Variants in TATDN3 observed in about 807,000 individuals in gnomAD.
The protein encoded by TATDN3 is TatD DNase domain containing 3.
In TATDN3, 29 loss-of-function variants were observed where a neutral mutation model predicts 40.1. The observed-to-expected ratio is 0.72, with a 90% CI of 0.54 to 0.99. The LOEUF (loss-of-function observed/expected upper bound fraction) is 0.99. Ranked by LOEUF, TATDN3 falls within the 50% of genes least tolerant of loss-of-function variation. TATDN3 has a pLI of 0.00. For synonymous variants in TATDN3, 105 were observed against 117.0 expected (o/e 0.90, Z 0.66); for missense variants, 309 against 321.9 (o/e 0.96, Z 0.31).
chr1:212,803,192 C>A (rs192605423), intron 5 of TATDN3, among the ~76,000 whole-genome samples: 3 of 145,784 alleles, frequency 2.1e-5, no homozygotes, highest in African/African-American at 7.6e-5. Context: ...GAACCTTGCT[C>A]TGTCACCTAG....
In TATDN3 at chr1:212,808,051, G is replaced by A. The variant is rs950536992; in HGVS notation, c.600+203G>A. Among the ~76,000 whole-genome samples, 66 of 152,042 alleles carry A rather than the reference G, an allele frequency of 4.3e-4. 1 individual carries two copies. Among genetic ancestry groups the A allele is most frequent in the South Asian group, 6.2e-4 (3 of 4,832 alleles). On this transcript the variant is annotated intron_variant, in intron 8 of 9. Coordinates refer to ENST00000366974, the MANE Select transcript of TATDN3 (RefSeq NM_001042552.3). ...AATAAGGCCAGGCTCAGGGGCTCACGCTTGTAATCCCAGCACTTTGGAAGG... is the reference window on the plus strand; with the variant it reads ...AATAAGGCCAGGCTCAGGGGCTCACACTTGTAATCCCAGCACTTTGGAAGG...
chr1:212,797,191 C>G lies in TATDN3; in HGVS notation c.253C>G (p.Leu85Val). 1 of 1,612,858 alleles carries G rather than the reference C, an allele frequency of 6.2e-7. No homozygotes were observed. The highest frequency in any genetic ancestry group is 1.1e-5 in the South Asian group (1 of 91,030). Residue 85 changes from leucine (L) to valine (V), a missense_variant, in exon 4 of 10, where the codon CTA (leucine) becomes GTA (valine). Physicochemically the swap from Leu to Val is conservative, Grantham distance 32. Transcript: ENST00000366974. ...ACCAGAAGACCAAAGAAGTGTCACA[C>G]TAAAGGTAACAGTCATACAAAACAG... ...LPPEDQRSVT[L>V]KDLDVALPII...
At chr1:212,801,115 A>G (rs896311064) in intron 4 of TATDN3, among the ~76,000 whole-genome samples, 2 of 151,874 alleles carry the variant, frequency 1.3e-5, no homozygotes, top group Non-Finnish European at 2.9e-5. Context: ...ACTTGAGCCC[A>G]GGAGTTCAAG....
intron 7 of TATDN3, among the ~76,000 whole-genome samples, chr1:212,806,747 C>CATATATATATATATATAT (rs71495077): frequency 2.3e-5 from 1 of 43,988 alleles, no homozygotes; most frequent in Non-Finnish European, 4.4e-5. Context: ...TCTCTCTCTC[C>CATATATATATATATATAT]ATATATATAT....
chr1:212,810,296 T>C (rs572369773), intron 8 of TATDN3, among the ~76,000 whole-genome samples: 103 of 151,814 alleles, frequency 6.8e-4, no homozygotes, highest in Non-Finnish European at 1.5e-3. Context: ...GATCACGACG[T>C]GGTCAGGAGA....
intron 2 of TATDN3, among the ~76,000 whole-genome samples, chr1:212,796,121 T>C (rs961550934): frequency 3.3e-5 from 5 of 152,234 alleles, no homozygotes; most frequent in African/African-American, 1.2e-4. Context: ...TAGCATTTTG[T>C]GGCCATCTCA....
At chr1:212,808,112 A>C (rs1293336463) in intron 8 of TATDN3, among the ~76,000 whole-genome samples, 8 of 152,116 alleles carry the variant, frequency 5.3e-5, no homozygotes, top group Admixed American at 5.2e-4. Context: ...CAGGAGTTCG[A>C]AACCAGCCTG....
At chr1:212,810,460 C>T (rs1474831532) in intron 8 of TATDN3, among the ~76,000 whole-genome samples, 2 of 135,608 alleles carry the variant, frequency 1.5e-5, no homozygotes, top group East Asian at 2.3e-4. Context: ...TGCAGTGAGC[C>T]GAGATCGCGC....
chr1:212,807,903 G>A, intron 8 of TATDN3, 55 bp downstream of exon 8: 4 of 1,211,258 alleles, frequency 3.3e-6, no homozygotes, highest in Non-Finnish European at 3.6e-6. Context: ...TTTAAAACAT[G>A]AGCTTTTCTT....
At chr1:212,812,865 C>T (rs963683239) in intron 9 of TATDN3, among the ~76,000 whole-genome samples, 9 of 151,906 alleles carry the variant, frequency 5.9e-5, no homozygotes, top group East Asian at 1.9e-4. Context: ...ATTAGCTGGG[C>T]GTGGTGGCAC....
At position 212,796,550 on chromosome 1, in the gene TATDN3, C is replaced by A. The variant is rs755756183; in HGVS notation, c.133C>A (p.His45Asn). The A allele has an allele frequency of 1.7e-5, 26 of 1,550,678 alleles. No homozygotes were observed. Among genetic ancestry groups the A allele is most frequent in the Non-Finnish European group, 2.1e-5 (24 of 1,152,650 alleles). ...TGTGGCCCTTGTGGCAGTTGCCGAA[C>A]ATTCAGGAGAATTTGAAAAGATTAT... ...NVVALVAVAE[H>N]SGEFEKIMQL... The change falls in exon 3 of 10, where the codon CAT (histidine) becomes AAT (asparagine). Residue 45 changes from histidine to asparagine, a missense_variant. By Grantham distance (68) the His-to-Asn change is moderately conservative. Coordinates refer to ENST00000366974, the MANE Select transcript of TATDN3 (RefSeq NM_001042552.3).
intron 1 of TATDN3, 40 bp downstream of exon 1, chr1:212,792,027 C>G (rs2102417757): frequency 6.3e-7 from 1 of 1,596,738 alleles, no homozygotes; most frequent in East Asian, 2.2e-5. Flanking sequence ...AGCAGGGAGG[C>G]CCCCGTCCTT....
At chr1:212,808,889 G>A (rs182726418) in intron 8 of TATDN3, among the ~76,000 whole-genome samples, 23 of 152,204 alleles carry the variant, frequency 1.5e-4, no homozygotes, top group African/African-American at 5.3e-4. Context: ...ACAAAAACTT[G>A]TACATAAATG....
chr1:212,795,588 A>T (rs1477083062), intron 2 of TATDN3, among the ~76,000 whole-genome samples: 1 of 151,666 alleles, frequency 6.6e-6, no homozygotes, highest in African/African-American at 2.4e-5. Context: ...ATTATTTATA[A>T]TTAAAATAGA....
At chr1:212,801,726 G>C (rs1662191845) in intron 4 of TATDN3, among the ~76,000 whole-genome samples, 1 of 152,128 alleles carries the variant, frequency 6.6e-6, no homozygotes. Context: ...TTGTCAAATA[G>C]CTTTTCTGAC....
chr1:212,807,097 C>G (rs1662585927), intron 7 of TATDN3, among the ~76,000 whole-genome samples: 1 of 151,498 alleles, frequency 6.6e-6, no homozygotes, highest in Non-Finnish European at 1.5e-5. Context: ...GTGCCTGCCA[C>G]TACGCCCAGC....
rs1661823529 is a variant in TATDN3, at chr1:212,797,125, G to C, written c.187G>C (p.Val63Leu). The change falls in exon 4 of 10, where the codon GTC becomes CTC. Residue 63 changes from valine (V) to leucine (L), a missense_variant. Coordinates refer to ENST00000366974, the MANE Select transcript of TATDN3 (RefSeq NM_001042552.3). Reference sequence around the variant, plus strand: ...CTACATTTTTAGGTATAATGGGTTTGTCCTGCCATGCTTGGGTGTTCATCC... The same window carrying C: ...CTACATTTTTAGGTATAATGGGTTTCTCCTGCCATGCTTGGGTGTTCATCC... ...MQLSERYNGF[V>L]LPCLGVHPVQ... is the part of the protein sequence containing the mutation. The C allele has an allele frequency of 6.2e-7, 1 of 1,614,022 alleles. No individual in the cohort carries two copies. The highest frequency in any genetic ancestry group is 8.5e-7 in the Non-Finnish European group (1 of 1,179,962).
At chr1:212,806,415 G>C (rs1273926399) in intron 7 of TATDN3, among the ~76,000 whole-genome samples, 1 of 136,794 alleles carries the variant, frequency 7.3e-6, no homozygotes, top group African/African-American at 2.8e-5. Flanking sequence ...CTGTTGCCCA[G>C]GCTGGATTGC....
chr1:212,798,223 G>A (rs773987646), intron 4 of TATDN3, among the ~76,000 whole-genome samples: 2 of 151,916 alleles, frequency 1.3e-5, no homozygotes, highest in Non-Finnish European at 2.9e-5. Flanking sequence ...CTACTCGGGA[G>A]ACTAAGGTGG....
Sources: gnomAD v4.1 joint callset for allele counts (sites outside exome capture counted in the v4.1 genomes callset) on GRCh38, gnomAD v4.1.1 for gene constraint, MANE v1.5 for transcripts, NCBI Gene and HGNC (gene_info 2026-07-23, HGNC 2026-07-21) for gene names.